The following PCDH15 variants were observed in gnomAD, a reference collection of about 807,000 sequenced individuals.
PCDH15 encodes the protein protocadherin related 15, also known as protocadherin-15.
PCDH15 carries 129 observed loss-of-function variants against 178.5 expected under a neutral mutation model. The ratio of observed to expected loss-of-function variants is 0.72; its 90% CI spans 0.63 to 0.84. The LOEUF is 0.84. Among genes scored for constraint, PCDH15 ranks in the 40% least tolerant of loss-of-function variants. PCDH15 has a pLI of 0.00. For missense variants in PCDH15, 2,230 were observed against 2,099.9 expected, an observed-to-expected ratio of 1.06 and a Z score of -1.21; for synonymous variants, 800 against 732.0, an observed-to-expected ratio of 1.09 and a Z score of -1.50.
chr10:54,162,266 G>C (rs2045793992), intron 13 of PCDH15, among the ~76,000 whole-genome samples: 1 of 152,050 alleles, frequency 6.6e-6, no homozygotes, highest in African/African-American at 2.4e-5. Flanking sequence ...ACCACTGTAT[G>C]TTCCTCTGCC....
chr10:55,135,574 C>CTTTTTTTTTTTTTTTTT (rs56956557), intron 2 of PCDH15, among the ~76,000 whole-genome samples: 7 of 68,220 alleles, frequency 1.0e-4, no homozygotes, highest in East Asian at 4.6e-4. Flanking sequence ...TCTTTTCTTT[C>CTTTTTTTTTTTTTTTTT]TTTTTTTTTT....
At chr10:54,641,989 T>C (rs10763121) in intron 2 of PCDH15, among the ~76,000 whole-genome samples, 69,589 of 151,734 alleles carry the variant, frequency 0.46, 16,283 homozygotes, top group South Asian at 0.65. Context: ...TTGATTTACA[T>C]TGGCCTTTAT....
intron 7 of PCDH15, among the ~76,000 whole-genome samples, chr10:54,324,420 C>T (rs1024401906): frequency 6.6e-5 from 10 of 152,058 alleles, no homozygotes; most frequent in Non-Finnish European, 1.5e-4. Context: ...AACACCCTTG[C>T]TATTCATAAA....
At chr10:55,464,739 A>G (rs1037381165) in intron 2 of PCDH15, among the ~76,000 whole-genome samples, 13 of 149,292 alleles carry the variant, frequency 8.7e-5, no homozygotes, top group Non-Finnish European at 1.5e-4. Context: ...TATATATGCA[A>G]CAGTATATTG....
rs1939996537 is a variant in PCDH15, at chr10:54,332,377, A to ATATAATATAATCTATATTATATATTAT, written c.595-2672_595-2671insATAATATATAATATAGATTATATTATA. 2.9e-3 allele frequency among the ~76,000 whole-genome samples: 108 copies of ATATAATATAATCTATATTATATATTAT among 37,112 alleles called. 11 individuals carry two copies. Among genetic ancestry groups the ATATAATATAATCTATATTATATATTAT allele is most frequent in the Admixed American group, 4.6e-3 (14 of 3,066 alleles). 24.3% of individuals were successfully genotyped at this position (37,112 alleles called of 152,430 possible). A position where few individuals can be genotyped will look rare whatever the true frequency, so the allele number is the denominator to read the frequency against. On this transcript the variant is annotated intron_variant, in intron 6 of 37. Coordinates refer to ENST00000644397, the MANE Select transcript of PCDH15 (RefSeq NM_001384140.1). The stretch of plus-strand genomic sequence containing the variant: ...TAATATAATCTATATTATATATATA[A>ATATAATATAATCTATATTATATATTAT]TATATATATAGTAAATTTTCTGCAG...
chr10:55,581,115 T>C (rs1448955120), intron 2 of PCDH15, among the ~76,000 whole-genome samples: 2 of 152,162 alleles, frequency 1.3e-5, no homozygotes, highest in Non-Finnish European at 2.9e-5. Flanking sequence ...TTTTGCCTAA[T>C]TGTCATTGAA....
At chr10:54,146,895 C>T (rs561742820) in intron 14 of PCDH15, among the ~76,000 whole-genome samples, 110 of 43,648 alleles carry the variant, frequency 2.5e-3, no homozygotes, top group South Asian at 7.4e-3. Flanking sequence ...TGTGTGTATA[C>T]ATATATATAT....
At chr10:55,383,379 G>C (rs1002107590) in intron 2 of PCDH15, among the ~76,000 whole-genome samples, 1 of 152,090 alleles carries the variant, frequency 6.6e-6, no homozygotes, top group Non-Finnish European at 1.5e-5. Context: ...TAGCGGATGA[G>C]GGGCATGGCG....
chr10:54,210,747 T>TGA (rs1029841800), intron 10 of PCDH15, among the ~76,000 whole-genome samples: 3 of 151,600 alleles, frequency 2.0e-5, no homozygotes, highest in Non-Finnish European at 2.9e-5. Flanking sequence ...AGTTAACTAG[T>TGA]GAGAGCTCAG....
intron 3 of PCDH15, among the ~76,000 whole-genome samples, chr10:54,515,839 C>T (rs1046222296): frequency 1.3e-5 from 2 of 152,218 alleles, no homozygotes; most frequent in South Asian, 2.1e-4. Context: ...TGCTGTTCTA[C>T]AGCCACCGCT....
At chr10:54,797,806 G>A (rs561049878) in intron 1 of PCDH15, among the ~76,000 whole-genome samples, 1 of 151,846 alleles carries the variant, frequency 6.6e-6, no homozygotes, top group African/African-American at 2.4e-5. Context: ...GTGTGGGCAG[G>A]GGGGGAGCGG....
chr10:55,195,670 A>AG (rs1163776117), intron 1 of PCDH15, among the ~76,000 whole-genome samples: 1 of 151,170 alleles, frequency 6.6e-6, no homozygotes, highest in East Asian at 1.9e-4. Flanking sequence ...AAAAAAAAAA[A>AG]AAGTAGTAAA....
chr10:54,912,825 T>A (rs1954840265), intron 2 of PCDH15, among the ~76,000 whole-genome samples: 1 of 152,076 alleles, frequency 6.6e-6, no homozygotes, highest in African/African-American at 2.4e-5. Flanking sequence ...AAATGCTGAA[T>A]GGAATATGAA....
intron 1 of PCDH15, 79 bp from the exon 2 acceptor site, chr10:54,664,369 G>A: frequency 1.1e-6 from 1 of 914,764 alleles, no homozygotes; most frequent in Non-Finnish European, 1.7e-6. Flanking sequence ...TCACAGCACA[G>A]AAAAGCCTTA....
chr10:55,131,898 T>C, intron 2 of PCDH15, among the ~76,000 whole-genome samples: 1 of 152,190 alleles, frequency 6.6e-6, no homozygotes, highest in Admixed American at 6.5e-5. Flanking sequence ...TCCCTAGGCT[T>C]CAGGCTATCC....
chr10:54,246,943 T>G (rs976867878), intron 8 of PCDH15, among the ~76,000 whole-genome samples: 1 of 151,934 alleles, frequency 6.6e-6, no homozygotes, highest in Non-Finnish European at 1.5e-5. Context: ...TCTTGGACAT[T>G]TGTAAAGTGC....
chr10:54,307,358 A>G (rs1446715798), intron 8 of PCDH15, among the ~76,000 whole-genome samples: 3 of 151,160 alleles, frequency 2.0e-5, no homozygotes, highest in Non-Finnish European at 2.9e-5. Context: ...TAGTGTGTGG[A>G]AAAACAGCAC....
At chr10:54,157,788 C>A (rs1395337516) in intron 13 of PCDH15, among the ~76,000 whole-genome samples, 1 of 152,154 alleles carries the variant, frequency 6.6e-6, no homozygotes, top group African/African-American at 2.4e-5. Flanking sequence ...CCCAAGACAC[C>A]TCATGAATGT....
intron 1 of PCDH15, among the ~76,000 whole-genome samples, chr10:55,239,784 C>T (rs966929212): frequency 2.6e-5 from 4 of 152,024 alleles, no homozygotes; most frequent in African/African-American, 9.7e-5. Context: ...GCAAACCACT[C>T]ATATAACAAA....
Sources: allele counts gnomAD v4.1 joint callset (sites outside exome capture counted in the v4.1 genomes callset), GRCh38; gene constraint gnomAD v4.1.1; transcripts MANE v1.5; gene names NCBI Gene and HGNC (gene_info 2026-07-23, HGNC 2026-07-21).